CXCL13: variants seen among roughly 807,000 people sequenced by gnomAD.
The protein encoded by CXCL13 is C-X-C motif chemokine 13.
CXCL13 carries 7 observed loss-of-function variants against 12.2 expected under a neutral mutation model. The ratio of observed to expected loss-of-function variants is 0.57; its 90% CI spans 0.33 to 1.07. CXCL13 has a LOEUF of 1.07. Among genes scored for constraint, CXCL13 ranks in the 50% least tolerant of loss-of-function variants. The probability of loss-of-function intolerance (pLI) is 0.04; values close to 1 mark genes in which losing one functional copy is unlikely to be tolerated. For missense variants in CXCL13, 113 were observed against 127.4 expected, an observed-to-expected ratio of 0.89 and a Z score of 0.55; for synonymous variants, 47 against 42.4, an observed-to-expected ratio of 1.11 and a Z score of -0.42.
chr4:77,534,657 C>A (rs1243959742), intron 1 of CXCL13, among the ~76,000 whole-genome samples: 1 of 152,152 alleles, frequency 6.6e-6, no homozygotes, highest in East Asian at 1.9e-4. Flanking sequence ...TTAAAATACA[C>A]CTCTGAGAAC....
At chr4:77,583,793 C>G (rs1726391307) in intron 1 of CXCL13, among the ~76,000 whole-genome samples, 1 of 152,176 alleles carries the variant, frequency 6.6e-6, no homozygotes, top group African/African-American at 2.4e-5. Flanking sequence ...TAAGTGGCAC[C>G]TGTTAGCAAT....
chr4:77,610,241 A>T (rs1727114899), intron 2 of CXCL13, among the ~76,000 whole-genome samples: 1 of 152,174 alleles, frequency 6.6e-6, no homozygotes. Context: ...GTTCTCCCAA[A>T]TGCAGTGCAA....
chr4:77,563,469 T>A (rs189358765), intron 1 of CXCL13, among the ~76,000 whole-genome samples: 3 of 152,368 alleles, frequency 2.0e-5, no homozygotes, highest in Non-Finnish European at 2.9e-5. Context: ...CCTGCATTTC[T>A]TAGACACCAT....
intron 1 of CXCL13, among the ~76,000 whole-genome samples, chr4:77,523,418 T>G (rs1160949934): frequency 6.6e-6 from 1 of 152,140 alleles, no homozygotes; most frequent in Non-Finnish European, 1.5e-5. Context: ...CTTTTTACTC[T>G]TTTTTTCTCT....
intron 1 of CXCL13, among the ~76,000 whole-genome samples, chr4:77,537,222 C>G (rs888802756): frequency 1.3e-5 from 2 of 152,188 alleles, no homozygotes; most frequent in African/African-American, 4.8e-5. Context: ...ACTACTGCAA[C>G]CCCTAGACCT....
intron 1 of CXCL13, among the ~76,000 whole-genome samples, chr4:77,580,272 T>C (rs1307467599): frequency 7.0e-6 from 1 of 142,706 alleles, no homozygotes; most frequent in African/African-American, 2.5e-5. Flanking sequence ...ATAAAGAATA[T>C]AGAATATATA....
At chr4:77,596,909 A>G (rs933840774) in intron 1 of CXCL13, among the ~76,000 whole-genome samples, 1 of 152,206 alleles carries the variant, frequency 6.6e-6, no homozygotes, top group African/African-American at 2.4e-5. Context: ...GGAATGACCT[A>G]AGTGTCTATT....
chr4:77,519,629 G>C (rs1039857051), intron 1 of CXCL13, among the ~76,000 whole-genome samples: 3 of 151,974 alleles, frequency 2.0e-5, no homozygotes, highest in Admixed American at 2.0e-4. Context: ...TTGTCAGATG[G>C]GTCAATTGCA....
chr4:77,554,486 C>T (rs565016475), intron 1 of CXCL13, among the ~76,000 whole-genome samples: 13 of 152,154 alleles, frequency 8.5e-5, no homozygotes, highest in Middle Eastern at 6.8e-3. Context: ...GAAATAAGCC[C>T]ACAGTAATAC....
At chr4:77,546,563 A>T (rs575076716) in intron 1 of CXCL13, among the ~76,000 whole-genome samples, 5 of 152,160 alleles carry the variant, frequency 3.3e-5, no homozygotes, top group African/African-American at 1.2e-4. Flanking sequence ...CTCTGATGGT[A>T]GTTTGTATTT....
chr4:77,559,321 A>G (rs767100096), intron 1 of CXCL13, among the ~76,000 whole-genome samples: 1 of 152,218 alleles, frequency 6.6e-6, no homozygotes, highest in Non-Finnish European at 1.5e-5. Flanking sequence ...TGCAGACTAA[A>G]TAAAGCTTCA....
chr4:77,564,528 A>T (rs1469550968), intron 1 of CXCL13, among the ~76,000 whole-genome samples: 2 of 152,198 alleles, frequency 1.3e-5, no homozygotes, highest in Non-Finnish European at 2.9e-5. Flanking sequence ...TTTACCAAAC[A>T]TTTACTCTGT....
intron 1 of CXCL13, among the ~76,000 whole-genome samples, chr4:77,593,172 A>G (rs756994057): frequency 6.6e-6 from 1 of 152,200 alleles, no homozygotes; most frequent in African/African-American, 2.4e-5. Context: ...GACCTTACAG[A>G]GGCGAGCAGA....
At chr4:77,593,492 G>A (rs1173731087) in intron 1 of CXCL13, among the ~76,000 whole-genome samples, 3 of 152,208 alleles carry the variant, frequency 2.0e-5, no homozygotes, top group African/African-American at 7.2e-5. Flanking sequence ...AACTCATGTG[G>A]CTTTGAGGAA....
chr4:77,546,186 CACTG>C (rs998433422), intron 1 of CXCL13, among the ~76,000 whole-genome samples: 117 of 152,298 alleles, frequency 7.7e-4, no homozygotes, highest in African/African-American at 2.7e-3. Context: ...CAATGTTCAT[CACTG>C]ATATTGGTCT....
At chr4:77,599,009 A>G (rs1251098022) in intron 1 of CXCL13, among the ~76,000 whole-genome samples, 3 of 152,128 alleles carry the variant, frequency 2.0e-5, no homozygotes, top group African/African-American at 4.8e-5. Flanking sequence ...GGGTTTCACC[A>G]TATTGGCCAG....
chr4:77,571,676 G>A (rs556377697), intron 1 of CXCL13, among the ~76,000 whole-genome samples: 1 of 151,962 alleles, frequency 6.6e-6, no homozygotes, highest in African/African-American at 2.4e-5. Context: ...CTACCAATCA[G>A]CAGGATGTGG....
chr4:77,579,676 T>G (rs570493085), intron 1 of CXCL13, among the ~76,000 whole-genome samples: 11 of 152,308 alleles, frequency 7.2e-5, no homozygotes, highest in African/African-American at 2.4e-4. Context: ...TTAATTCTGA[T>G]GAGTGCCAAG....
chr4:77,556,400 C>A (rs1288372830), intron 1 of CXCL13, among the ~76,000 whole-genome samples: 2 of 151,938 alleles, frequency 1.3e-5, no homozygotes, highest in Admixed American at 6.6e-5. Flanking sequence ...GGAAAACTAA[C>A]CCATAGTGAC....
Sources: gnomAD v4.1 joint callset for allele counts (sites outside exome capture counted in the v4.1 genomes callset) on GRCh38, gnomAD v4.1.1 for gene constraint, MANE v1.5 for transcripts, NCBI Gene and HGNC (gene_info 2026-07-23, HGNC 2026-07-21) for gene names.